AEBP2: variants seen among roughly 807,000 people sequenced by gnomAD.
AEBP2 encodes AE binding protein 2.
A neutral mutation model predicts 50.8 loss-of-function variants in AEBP2; 10 were observed. The ratio of observed to expected loss-of-function variants is 0.20; its 90% CI spans 0.12 to 0.33. The LOEUF is 0.33. AEBP2 is among the 10% of genes least tolerant of loss of function. AEBP2 has a pLI of 1.00. For missense variants in AEBP2, 570 were observed against 688.0 expected, an observed-to-expected ratio of 0.83 and a Z score of 1.92; for synonymous variants, 296 against 261.3, an observed-to-expected ratio of 1.13 and a Z score of -1.28.
At chr12:19,408,634 A>G (rs1484847207) in intron 1 of AEBP2, among the ~76,000 whole-genome samples, 1 of 150,278 alleles carries the variant, frequency 6.7e-6, no homozygotes, top group Non-Finnish European at 1.5e-5. Context: ...GGGCGCGGTG[A>G]CTCACACCTA....
chr12:19,507,118 G>C (rs535036550), intron 5 of AEBP2, among the ~76,000 whole-genome samples: 1 of 152,118 alleles, frequency 6.6e-6, no homozygotes, highest in Non-Finnish European at 1.5e-5. Context: ...GGTATTTATA[G>C]GTATCAGACT....
At chr12:19,466,794 TA>T (rs1449429677) in intron 2 of AEBP2, 1 of 984,888 alleles carries the variant, frequency 1.0e-6, no homozygotes, top group Non-Finnish European at 1.2e-6. Flanking sequence ...AAAAAATTGG[TA>T]ACCCTAGAAG....
chr12:19,417,038 ATTGT>A (rs1810927192), intron 1 of AEBP2, among the ~76,000 whole-genome samples: 1 of 150,992 alleles, frequency 6.6e-6, no homozygotes, highest in Non-Finnish European at 1.5e-5. Flanking sequence ...TGCGTGACTA[ATTGT>A]TTGTATTTTT....
intron 1 of AEBP2, among the ~76,000 whole-genome samples, chr12:19,407,307 CTTTTTTCTTTT>C (rs1391361600): frequency 1.3e-5 from 2 of 151,852 alleles, no homozygotes; most frequent in Admixed American, 1.3e-4. Flanking sequence ...TCTCTTTTTT[CTTTTTTCTTTT>C]TTTTTTCTTT....
intron 5 of AEBP2, among the ~76,000 whole-genome samples, chr12:19,501,286 G>A (rs754319518): frequency 6.9e-6 from 1 of 145,798 alleles, no homozygotes; most frequent in Non-Finnish European, 1.5e-5. Flanking sequence ...AGCCGAGATC[G>A]CACCACTGCA....
chr12:19,455,433 A>G (rs1302402338), intron 1 of AEBP2, among the ~76,000 whole-genome samples: 1 of 152,188 alleles, frequency 6.6e-6, no homozygotes, highest in African/African-American at 2.4e-5. Context: ...CAGTTACTTT[A>G]AGACCATAGT....
intron 2 of AEBP2, among the ~76,000 whole-genome samples, chr12:19,466,067 C>A (rs1400137022): frequency 2.0e-5 from 3 of 151,938 alleles, no homozygotes; most frequent in African/African-American, 7.3e-5. Flanking sequence ...CTCAGCCTCC[C>A]AAGGTGCTGG....
intron 5 of AEBP2, among the ~76,000 whole-genome samples, chr12:19,507,480 G>A (rs1381075866): frequency 6.6e-6 from 1 of 152,190 alleles, no homozygotes; most frequent in Non-Finnish European, 1.5e-5. Flanking sequence ...AATAGTCCAT[G>A]AAAATGAAAA....
intron 1 of AEBP2, among the ~76,000 whole-genome samples, chr12:19,431,588 T>C (rs2095751467): frequency 1.3e-5 from 2 of 152,190 alleles, no homozygotes; most frequent in Admixed American, 1.3e-4. Context: ...ATGACCTCCT[T>C]ATGGTGGACG....
intron 1 of AEBP2, among the ~76,000 whole-genome samples, chr12:19,441,289 AGT>A (rs1455866794): frequency 2.6e-5 from 4 of 152,332 alleles, no homozygotes; most frequent in Non-Finnish European, 5.9e-5. Context: ...ACATTTAAAA[AGT>A]GTGATAGTGT....
chr12:19,430,008 T>C (rs1213894943), intron 1 of AEBP2, among the ~76,000 whole-genome samples: 9 of 152,178 alleles, frequency 5.9e-5, no homozygotes, highest in African/African-American at 1.4e-4. Context: ...ATTTTGGCTT[T>C]TGTTGCCATT....
At chr12:19,495,569 G>T (rs537562160) in intron 4 of AEBP2, among the ~76,000 whole-genome samples, 34 of 140,970 alleles carry the variant, frequency 2.4e-4, no homozygotes, top group African/African-American at 8.4e-4. Flanking sequence ...TTTGATACAG[G>T]GTCTTACTCT....
intron 5 of AEBP2, 143 bp downstream of exon 5, chr12:19,500,364 A>C (rs1322716226): frequency 2.4e-6 from 2 of 836,978 alleles, no homozygotes; most frequent in African/African-American, 3.6e-5. Context: ...TATTTAAAAC[A>C]TTGTATTATT....
chr12:19,503,564 C>A (rs78363495), intron 5 of AEBP2, among the ~76,000 whole-genome samples: 24,556 of 151,824 alleles, frequency 0.16, 3,456 homozygotes, highest in African/African-American at 0.38. Context: ...AAAGTAAATT[C>A]GATTTCCTCT....
chr12:19,514,538 C>A, intron 6 of AEBP2, 133 bp from the exon 7 acceptor site: 1 of 595,360 alleles, frequency 1.7e-6, no homozygotes, highest in Non-Finnish European at 2.8e-6. Context: ...CTGAGCTTCC[C>A]TGGCTTCTGG....
intron 3 of AEBP2, among the ~76,000 whole-genome samples, chr12:19,480,104 C>A (rs997869169): frequency 1.3e-5 from 2 of 151,448 alleles, no homozygotes; most frequent in African/African-American, 4.9e-5. Context: ...TAAGGAGATT[C>A]TTTTTGTCTT....
chr12:19,512,763 C>T (rs1949254161), intron 6 of AEBP2, among the ~76,000 whole-genome samples: 1 of 151,764 alleles, frequency 6.6e-6, no homozygotes, highest in Non-Finnish European at 1.5e-5. Flanking sequence ...GCCTGGCCAA[C>T]GTGGTAAAAC....
intron 1 of AEBP2, among the ~76,000 whole-genome samples, chr12:19,405,757 T>C (rs1379152065): frequency 6.6e-6 from 1 of 152,132 alleles, no homozygotes; most frequent in Non-Finnish European, 1.5e-5. Flanking sequence ...TGAACATCCC[T>C]CACCAGAGGA....
intron 1 of AEBP2, among the ~76,000 whole-genome samples, chr12:19,429,592 C>T (rs1010846400): frequency 4.2e-4 from 64 of 152,312 alleles, no homozygotes; most frequent in African/African-American, 1.5e-3. Flanking sequence ...ACAGTCCCAC[C>T]AACAGTATAA....
Sources: allele counts gnomAD v4.1 joint callset (sites outside exome capture counted in the v4.1 genomes callset), GRCh38; gene constraint gnomAD v4.1.1; transcripts MANE v1.5; gene names NCBI Gene and HGNC (gene_info 2026-07-23, HGNC 2026-07-21).